Variants in TCF7 observed in about 807,000 individuals in gnomAD.
The protein encoded by TCF7 is transcription factor 7, also known as T-cell-factor-7.
In TCF7, 19 loss-of-function variants were observed where a neutral mutation model predicts 46.8. The ratio of observed to expected loss-of-function variants is 0.41; its 90% confidence interval spans 0.28 to 0.60. The LOEUF is 0.60. Ranked by LOEUF, TCF7 falls within the 20% of genes least tolerant of loss-of-function variation. TCF7 has a pLI of 0.35. For missense variants in TCF7, 547 were observed against 504.6 expected, an observed-to-expected ratio of 1.08 and a Z score of -0.81; for synonymous variants, 245 against 213.4, an observed-to-expected ratio of 1.15 and a Z score of -1.29.
chr5:134,128,450 C>T (rs531015840), intron 3 of TCF7, among the ~76,000 whole-genome samples: 1 of 152,078 alleles, frequency 6.6e-6, no homozygotes, highest in South Asian at 2.1e-4. Flanking sequence ...GGATAAATGG[C>T]TAGACAGTCC....
At chr5:134,135,180 G>A (rs192839296) in intron 3 of TCF7, among the ~76,000 whole-genome samples, 1 of 152,246 alleles carries the variant, frequency 6.6e-6, no homozygotes, top group East Asian at 1.9e-4. Context: ...GGCTGGTCTT[G>A]AACTCCTGAC....
rs567685610 is a variant in TCF7 at position 134,118,193 on chromosome 5, A to G, written c.441+2160A>G. ...CAAGGTTCATGTGTCTGGAACCAGGAATGATCTTCTTTTCTTGGGTCAGGA... is the reference window on the plus strand; with the variant it reads ...CAAGGTTCATGTGTCTGGAACCAGGGATGATCTTCTTTTCTTGGGTCAGGA... On this transcript the variant is annotated intron_variant, in intron 3 of 9. Coordinates refer to ENST00000342854, the MANE Select transcript of TCF7 (RefSeq NM_003202.5). Among the ~76,000 whole-genome samples, 6 of 152,344 alleles carry G rather than the reference A, an allele frequency of 3.9e-5. No individual in the cohort carries two copies. The South Asian group carries it at 1.0e-3, about 26-fold the overall frequency.
upstream of TCF7, among the ~76,000 whole-genome samples, chr5:134,111,405 C>T (rs1755327478): frequency 6.6e-6 from 1 of 152,168 alleles, no homozygotes; most frequent in Non-Finnish European, 1.5e-5. Context: ...GGTCCTGAAA[C>T]TCCCCGGTCA....
At chr5:134,122,142 CA>C (rs1160782599) in intron 3 of TCF7, among the ~76,000 whole-genome samples, 1 of 152,148 alleles carries the variant, frequency 6.6e-6, no homozygotes, top group Non-Finnish European at 1.5e-5. Flanking sequence ...TGATGCCTTT[CA>C]AAACCAGGAG....
intron 2 of TCF7, chr5:134,115,625 G>A (rs752629482): frequency 6.3e-6 from 9 of 1,432,216 alleles, no homozygotes; most frequent in Non-Finnish European, 7.3e-6. Flanking sequence ...CTCCCCTCCT[G>A]CCCAGGTGAC....
At chr5:134,134,710 A>G (rs554357866) in intron 3 of TCF7, among the ~76,000 whole-genome samples, 1 of 152,284 alleles carries the variant, frequency 6.6e-6, no homozygotes, top group South Asian at 2.1e-4. Flanking sequence ...AGGAGAGAAA[A>G]TGCAGCCCCA....
At chr5:134,120,450 C>G (rs1240098149) in intron 3 of TCF7, among the ~76,000 whole-genome samples, 1 of 152,214 alleles carries the variant, frequency 6.6e-6, no homozygotes. Flanking sequence ...AGCCGAGTGC[C>G]TGGGTGGCCC....
chr5:134,132,704 T>C (rs868095161), intron 3 of TCF7, among the ~76,000 whole-genome samples: 26 of 143,366 alleles, frequency 1.8e-4, no homozygotes, highest in Admixed American at 1.6e-3. Flanking sequence ...ATGCCGACTG[T>C]GTTTATTTTT....
At position 134,139,161 on chromosome 5, in the gene TCF7, C is replaced by T. The variant is rs369219731; in HGVS notation, c.635+123C>T. 143 of 1,441,224 alleles carry T rather than the reference C, an allele frequency of 9.9e-5. 1 individual carries two copies. Among genetic ancestry groups the T allele is most frequent in the South Asian group, 7.4e-4 (54 of 73,328 alleles). The allele number at this position is 1,441,224 out of a possible 1,614,324, so 89.3% of individuals were successfully genotyped here. A position where few individuals can be genotyped will look rare whatever the true frequency, so the allele number is the denominator to read the frequency against. ...CCTGCTGCCAGCTCTGTTTAGATGC[C>T]AGGGGCTGGCCAGCAACTCTGTCCT... On this transcript the variant is annotated intron_variant, in intron 5 of 9. Transcript: ENST00000342854.
At chr5:134,110,297 A>G (rs1755312636), upstream of TCF7, among the ~76,000 whole-genome samples, 1 of 152,186 alleles carries the variant, frequency 6.6e-6, no homozygotes, top group Admixed American at 6.5e-5. Flanking sequence ...ATGAAGTCCG[A>G]GGGATGGAGC....
At chr5:134,124,928 T>C (rs1757139239) in intron 3 of TCF7, among the ~76,000 whole-genome samples, 2 of 152,204 alleles carry the variant, frequency 1.3e-5, no homozygotes, top group African/African-American at 4.8e-5. Flanking sequence ...AGTTTTCCCA[T>C]GAGGGCAGGG....
At chr5:134,118,588 C>T (rs1023734382) in intron 3 of TCF7, among the ~76,000 whole-genome samples, 2 of 152,062 alleles carry the variant, frequency 1.3e-5, no homozygotes, top group African/African-American at 2.4e-5. Flanking sequence ...CCAACTGCCA[C>T]GGGACACATT....
intron 9 of TCF7, chr5:134,145,027 C>T (rs1360337755): frequency 1.5e-6 from 1 of 679,774 alleles, no homozygotes; most frequent in East Asian, 2.7e-5. Flanking sequence ...GTAGTAAATA[C>T]TGAACACAGC....
chr5:134,112,088 TG>T (rs1236600053), upstream of TCF7, among the ~76,000 whole-genome samples: 1 of 152,154 alleles, frequency 6.6e-6, no homozygotes, highest in Non-Finnish European at 1.5e-5. Flanking sequence ...GGGACTCCTG[TG>T]GGGCCGCACC....
intron 3 of TCF7, among the ~76,000 whole-genome samples, chr5:134,126,319 TG>T (rs1186197419): frequency 6.6e-6 from 1 of 151,922 alleles, no homozygotes; most frequent in Non-Finnish European, 1.5e-5. Flanking sequence ...GGCGGGGGTG[TG>T]GGGACAGATG....
At chr5:134,141,268 C>T (rs1277495618) in intron 5 of TCF7, 2 of 155,974 alleles carry the variant, frequency 1.3e-5, no homozygotes, top group Admixed American at 1.3e-4. Context: ...ACCTCTGACC[C>T]TTAGGGGCTG....
intron 3 of TCF7, among the ~76,000 whole-genome samples, chr5:134,124,389 C>A (rs1223025035): frequency 6.6e-6 from 1 of 152,216 alleles, no homozygotes. Flanking sequence ...GTTCCCCCTT[C>A]CCCTGCTTTC....
intron 3 of TCF7, among the ~76,000 whole-genome samples, chr5:134,126,307 T>A (rs1006833981): frequency 6.6e-6 from 1 of 152,002 alleles, no homozygotes; most frequent in South Asian, 2.1e-4. Flanking sequence ...GGCATCCCCA[T>A]GGGCGGGGGT....
At chr5:134,144,681 G>A (rs1760412293) in intron 9 of TCF7, 1 of 763,618 alleles carries the variant, frequency 1.3e-6, no homozygotes, top group Non-Finnish European at 2.3e-6. Context: ...TATGGGGGCT[G>A]TAGGGTGTCT....
Sources: allele counts gnomAD v4.1 joint callset (sites outside exome capture counted in the v4.1 genomes callset), GRCh38; gene constraint gnomAD v4.1.1; transcripts MANE v1.5; gene names NCBI Gene and HGNC (gene_info 2026-07-23, HGNC 2026-07-21).